The following MECOM variants were observed in gnomAD, a reference collection of about 807,000 sequenced individuals.
MECOM encodes histone-lysine N-methyltransferase MECOM.
MECOM carries 13 observed loss-of-function variants against 116.3 expected under a neutral mutation model. The observed-to-expected ratio is 0.11, with a 90% CI of 0.07 to 0.18. The LOEUF (loss-of-function observed/expected upper bound fraction) is 0.18, where lower values mean the gene tolerates loss of function less well. MECOM is among the 10% of genes least tolerant of loss of function. MECOM has a pLI of 1.00. For synonymous variants in MECOM, 528 were observed against 535.2 expected (o/e 0.99, Z 0.19); for missense variants, 1,299 against 1,509.0 (o/e 0.86, Z 2.31).
chr3:169,517,807 A>G (rs1756826668), intron 1 of MECOM, among the ~76,000 whole-genome samples: 3 of 152,236 alleles, frequency 2.0e-5, no homozygotes, highest in Non-Finnish European at 4.4e-5. Context: ...AGATTCAGTA[A>G]CTTAAAAATA....
At chr3:169,131,981 T>C (rs902772784) in intron 3 of MECOM, 2 of 993,628 alleles carry the variant, frequency 2.0e-6, no homozygotes, top group Non-Finnish European at 2.4e-6. Context: ...TAGCGCCTTC[T>C]CAACAACGTG....
chr3:169,378,580 AAGAAAGTAAGT>A (rs2108261691), intron 2 of MECOM, among the ~76,000 whole-genome samples: 1 of 64,406 alleles, frequency 1.6e-5, no homozygotes, highest in African/African-American at 4.9e-5. Flanking sequence ...GAAAGAAAGA[AAGAAAGTAAGT>A]AAGTAAGTTT....
intron 2 of MECOM, among the ~76,000 whole-genome samples, chr3:169,307,197 A>G (rs1287070551): frequency 2.0e-5 from 3 of 152,062 alleles, no homozygotes; most frequent in African/African-American, 7.2e-5. Flanking sequence ...TCTCCCTCCA[A>G]ATAAACCTTT....
chr3:169,512,905 A>G (rs1756161241), intron 1 of MECOM, among the ~76,000 whole-genome samples: 2 of 152,218 alleles, frequency 1.3e-5, no homozygotes, highest in Admixed American at 1.3e-4. Flanking sequence ...TAGTTTCTCC[A>G]CCTAATCCCT....
In MECOM at chr3:169,103,437, T is replaced by A. The variant is rs892700062; in HGVS notation, c.2605-1211A>T. On this transcript the variant is annotated intron_variant, in intron 10 of 16. Transcript: ENST00000651503. ...CCATCCTGTTAAATCAACTCACCCA[T>A]TATTTATTTGATTCTCAGGGCAGTG... Among the ~76,000 whole-genome samples the A allele has an allele frequency of 5.3e-5, 8 of 152,258 alleles. No homozygotes were observed. The East Asian group carries it at 1.5e-3, about 29-fold the overall frequency.
At chr3:169,246,523 T>C (rs565045690) in intron 2 of MECOM, among the ~76,000 whole-genome samples, 381 of 148,128 alleles carry the variant, frequency 2.6e-3, no homozygotes, top group Middle Eastern at 3.5e-3. Context: ...ACAGTACACA[T>C]ACACTTTTTT....
chr3:169,423,559 CA>C (rs1272392786), intron 1 of MECOM, among the ~76,000 whole-genome samples: 1 of 152,042 alleles, frequency 6.6e-6, no homozygotes. Context: ...AGAAACTATA[CA>C]AAAGATGATC....
intron 1 of MECOM, among the ~76,000 whole-genome samples, chr3:169,434,523 C>A (rs1742307274): frequency 6.6e-6 from 1 of 151,688 alleles, no homozygotes. Context: ...TCCATTGAGA[C>A]AATGAATTTT....
chr3:169,451,929 A>C (rs1578138975), intron 1 of MECOM, among the ~76,000 whole-genome samples: 1 of 151,904 alleles, frequency 6.6e-6, no homozygotes, highest in African/African-American at 2.4e-5. Context: ...TTTAAAGCAC[A>C]AAGATGGGGA....
intron 1 of MECOM, among the ~76,000 whole-genome samples, chr3:169,406,101 T>C (rs1736652562): frequency 6.6e-6 from 1 of 152,240 alleles, no homozygotes; most frequent in South Asian, 2.1e-4. Context: ...ACATACACTT[T>C]GATTTTTTCC....
At chr3:169,409,692 A>C (rs1423545095) in intron 1 of MECOM, among the ~76,000 whole-genome samples, 1 of 152,220 alleles carries the variant, frequency 6.6e-6, no homozygotes, top group Non-Finnish European at 1.5e-5. Flanking sequence ...TGAAACCCTC[A>C]TAACTGTACT....
chr3:169,237,120 G>A (rs1318456956), intron 2 of MECOM, among the ~76,000 whole-genome samples: 1 of 152,192 alleles, frequency 6.6e-6, no homozygotes, highest in Non-Finnish European at 1.5e-5. Context: ...AAAGGCTTCA[G>A]TAAGTAATGT....
At chr3:169,086,414 A>T in intron 16 of MECOM, 1 of 612,656 alleles carries the variant, frequency 1.6e-6, no homozygotes, top group East Asian at 2.7e-5. Context: ...ACTCTGAAAG[A>T]GTTAAAACAA....
At chr3:169,573,056 C>T (rs1269118180) in intron 1 of MECOM, among the ~76,000 whole-genome samples, 2 of 152,164 alleles carry the variant, frequency 1.3e-5, no homozygotes, top group African/African-American at 4.8e-5. Flanking sequence ...TTTCACCCCA[C>T]AAGCTGAAAT....
rs1776057629 is a variant in MECOM at position 169,659,912 on chromosome 3, C to G, written c.37+3424G>C. On this transcript the variant is annotated intron_variant, in intron 1 of 16. Transcript: ENST00000651503. ...AGAGCAAGTGTAGGAGTAACAAGTG[C>G]CCCCCTTGCCGCGGTCTTGCTAATC... 3.9e-5 allele frequency among the ~76,000 whole-genome samples: 6 copies of G among 152,158 alleles called. No homozygotes were observed. The South Asian group carries it at 1.2e-3, about 32-fold the overall frequency.
chr3:169,465,138 T>C (rs901399818), intron 1 of MECOM, among the ~76,000 whole-genome samples: 1 of 152,140 alleles, frequency 6.6e-6, no homozygotes, highest in Non-Finnish European at 1.5e-5. Flanking sequence ...TTTATTTAAG[T>C]TCCCTCTGAT....
intron 1 of MECOM, among the ~76,000 whole-genome samples, chr3:169,626,851 T>G (rs1437124393): frequency 2.6e-5 from 4 of 152,080 alleles, no homozygotes; most frequent in African/African-American, 9.7e-5. Context: ...ATCTTATCCC[T>G]GCTTCTCTTT....
At chr3:169,590,153 C>A (rs1442436779) in intron 1 of MECOM, among the ~76,000 whole-genome samples, 2 of 152,136 alleles carry the variant, frequency 1.3e-5, no homozygotes, top group Non-Finnish European at 2.9e-5. Context: ...GAAGGGAAAA[C>A]AAACTCTAAG....
intron 2 of MECOM, among the ~76,000 whole-genome samples, chr3:169,159,564 A>G (rs1742533364): frequency 6.6e-6 from 1 of 152,194 alleles, no homozygotes; most frequent in Non-Finnish European, 1.5e-5. Context: ...TCTCAAAAAA[A>G]TAAATAAATA....
Sources: gnomAD v4.1 joint callset for allele counts (sites outside exome capture counted in the v4.1 genomes callset) on GRCh38, gnomAD v4.1.1 for gene constraint, MANE v1.5 for transcripts, NCBI Gene and HGNC (gene_info 2026-07-23, HGNC 2026-07-21) for gene names.